The following SH2D7 variants were observed in gnomAD, a reference collection of about 807,000 sequenced individuals.
SH2D7 encodes SH2 domain containing 7, also known as SH2 domain-containing protein 7.
In SH2D7, 32 loss-of-function variants were observed where a neutral mutation model predicts 40.8. That is an observed-to-expected ratio of 0.78 (90% CI 0.59 to 1.05). The LOEUF (loss-of-function observed/expected upper bound fraction) is 1.05. Ranked by LOEUF, SH2D7 falls within the 50% of genes least tolerant of loss-of-function variation. SH2D7 has a pLI of 0.00. For missense variants in SH2D7, 559 were observed against 566.6 expected (o/e 0.99, Z 0.14); for synonymous variants, 195 against 221.5 (o/e 0.88, Z 1.06).
chr15:78,098,268 C>G (rs2073987126), intron 3 of SH2D7, 116 bp from the exon 4 acceptor site: 3 of 1,421,294 alleles, frequency 2.1e-6, no homozygotes, highest in East Asian at 4.9e-5. Flanking sequence ...AATGTCTTAC[C>G]TGAGGTCAGA....
chr15:78,092,741 C>T lies in SH2D7; in HGVS notation c.157C>T (p.His53Tyr). The T allele has an allele frequency of 6.2e-7, 1 of 1,608,236 alleles. No homozygotes were observed. The highest frequency in any genetic ancestry group is 1.1e-5 in the South Asian group (1 of 89,780). ...GAACGGTGCCCTGCCTCCCTGGTTT[C>T]ATGGATTCATCACCCGCAAGTAAGG... is the stretch of plus-strand genomic sequence containing the variant. ...LQNGALPPWFHGFITRKQTEQ... is the reference protein window; with the variant it reads ...LQNGALPPWFYGFITRKQTEQ... The change falls in exon 1 of 6, where the codon CAT becomes TAT. Residue 53 changes from histidine (H) to tyrosine (Y), a missense_variant. Physicochemically the swap from His to Tyr is moderately conservative, Grantham distance 83. Transcript: ENST00000328828.
upstream of SH2D7, among the ~76,000 whole-genome samples, chr15:78,091,741 C>G (rs149156724): frequency 9.8e-5 from 15 of 152,318 alleles, no homozygotes; most frequent in East Asian, 2.7e-3. Context: ...TCTGTTAAAA[C>G]GACATGAGCT....
At chr15:78,102,240 C>T (rs1044936882) in intron 5 of SH2D7, among the ~76,000 whole-genome samples, 3 of 152,018 alleles carry the variant, frequency 2.0e-5, no homozygotes, top group Non-Finnish European at 4.4e-5. Context: ...AAGTGAGACC[C>T]TGTTTAAAAA....
In SH2D7 at chr15:78,101,228, G is replaced by A. The variant is rs189575821; in HGVS notation, c.975G>A (p.Gly325=). The change falls in exon 5 of 6, where the codon GGG becomes GGA. Residue 325 remains glycine, a synonymous_variant. Transcript: ENST00000328828. ...GTTCTGATGCCATGGGATCCCTGGGGGCTACCTGGAGGCAGGAGTTTCCAA... is the reference window on the plus strand; with the variant it reads ...GTTCTGATGCCATGGGATCCCTGGGAGCTACCTGGAGGCAGGAGTTTCCAA... ...WGCSDAMGSL[G]ATWRQEFPKL... 4.9e-4 allele frequency: 780 copies of A among 1,603,066 alleles called. 4 individuals carry two copies. The highest frequency in any genetic ancestry group is 6.9e-5 in the Non-Finnish European group (81 of 1,175,704).
intron 5 of SH2D7, among the ~76,000 whole-genome samples, chr15:78,102,982 C>G (rs1345238997): frequency 6.6e-6 from 1 of 152,134 alleles, no homozygotes; most frequent in Non-Finnish European, 1.5e-5. Flanking sequence ...CCATGGATAG[C>G]AGCCTTTGAG....
chr15:78,101,782 A>G (rs986273140), intron 5 of SH2D7, among the ~76,000 whole-genome samples: 19 of 152,234 alleles, frequency 1.2e-4, no homozygotes, highest in African/African-American at 3.9e-4. Flanking sequence ...AGGCCCTTCT[A>G]AGGGCATTCT....
At position 78,097,960 on chromosome 15, in the gene SH2D7, A is replaced by T. The variant is rs555297882; in HGVS notation, c.298A>T (p.Asn100Tyr). ...TGATCGCTGCCGACATTTTGTCATC[A>T]ACCAGCTTCGAAACCGGCGTTACAT... ...GSDRCRHFVI[N>Y]QLRNRRYIIS... The change falls in exon 3 of 6, where the codon AAC (asparagine) becomes TAC (tyrosine). Residue 100 changes from asparagine to tyrosine, a missense_variant. By Grantham distance (143) the Asn-to-Tyr change is moderately radical. Transcript: ENST00000328828. 8.7e-6 allele frequency: 14 copies of T among 1,610,208 alleles called. No homozygotes were observed. Among genetic ancestry groups the T allele is most frequent in the Non-Finnish European group, 1.2e-5 (14 of 1,178,310 alleles).
chr15:78,094,265 T>C, intron 2 of SH2D7, 64 bp downstream of exon 2: 15 of 1,514,328 alleles, frequency 9.9e-6, no homozygotes, highest in Non-Finnish European at 1.3e-5. Context: ...TGCAGATTAG[T>C]GCAGAGGCCC....
Position 78,101,491 on chromosome 15 carries a change from C to G in SH2D7, c.1238C>G (p.Ser413Ter), listed in dbSNP as rs745449170. Residue 413 changes from serine (S) to a stop codon, truncating the protein, a stop_gained, in exon 5 of 6, where the codon TCA becomes TGA. Coordinates refer to ENST00000328828, the MANE Select transcript of SH2D7 (RefSeq NM_001101404.2). LOFTEE classifies it high-confidence loss of function. ...AGGATCTCAGGGACCCCAGAGCTCT[C>G]AGAGCCTGGGAACACCTATGAACAG... ...YKRISGTPEL[S>*]EPGNTYEQIP... 1 of 1,613,466 alleles carries G rather than the reference C, an allele frequency of 6.2e-7. No individual in the cohort carries two copies. The highest frequency in any genetic ancestry group is 8.5e-7 in the Non-Finnish European group (1 of 1,179,650).
intron 2 of SH2D7, among the ~76,000 whole-genome samples, chr15:78,094,434 C>T (rs2073958068): frequency 6.6e-6 from 1 of 152,178 alleles, no homozygotes; most frequent in East Asian, 1.9e-4. Flanking sequence ...GGAGGCTTCA[C>T]AGAGGTGAAC....
intron 2 of SH2D7, among the ~76,000 whole-genome samples, chr15:78,094,609 G>A (rs567428781): frequency 3.9e-5 from 6 of 152,196 alleles, no homozygotes; most frequent in Non-Finnish European, 8.8e-5. Flanking sequence ...GGAGCTGCAG[G>A]TTGCTGGGTG....
rs1596343541 is a variant in SH2D7 at position 78,103,607 on chromosome 15, C to T, written c.*92C>T. 6.9e-7 allele frequency: 1 copy of T among 1,444,768 alleles called. No homozygotes were observed. The highest frequency in any genetic ancestry group is 9.4e-7 in the Non-Finnish European group (1 of 1,059,210). 89.5% of individuals were successfully genotyped at this position (1,444,768 alleles called of 1,614,324 possible). A position where few individuals can be genotyped will look rare whatever the true frequency, so the allele number is the denominator to read the frequency against. On this transcript the variant is annotated 3_prime_UTR_variant, in exon 6 of 6. Transcript: ENST00000328828. The stretch of plus-strand genomic sequence containing the variant: ...AAGGCCTCAGCTCACTTGAAGGCAC[C>T]CTTTGGATCTTGAGACTCATCCAGC...
chr15:78,095,748 C>A (rs916892268), intron 2 of SH2D7, among the ~76,000 whole-genome samples: 6 of 151,820 alleles, frequency 4.0e-5, no homozygotes, highest in Non-Finnish European at 5.9e-5. Context: ...AAATGAGAGG[C>A]CAAGTTTTTT....
chr15:78,093,092 A>G (rs1005681036), intron 1 of SH2D7, among the ~76,000 whole-genome samples: 3 of 152,238 alleles, frequency 2.0e-5, no homozygotes, highest in African/African-American at 7.2e-5. Flanking sequence ...CCGGAACACT[A>G]TTAGTAACTA....
chr15:78,101,042 G>A lies in SH2D7; in HGVS notation c.789G>A (p.Arg263=). 6.2e-7 allele frequency: 1 copy of A among 1,609,628 alleles called. No homozygotes were observed. Among genetic ancestry groups the A allele is most frequent in the Admixed American group, 1.7e-5 (1 of 59,078 alleles). ...GCTTGGGCACAGAGGGGTCCGGCAG[G>A]CATGGGCCAGTTCCAGCTGGCAGCC... ...RLGLGTEGSG[R]HGPVPAGSQA... is the part of the protein sequence containing the mutation. The change falls in exon 5 of 6, where the codon AGG becomes AGA. Residue 263 remains arginine (R), a synonymous_variant. Coordinates refer to ENST00000328828, the MANE Select transcript of SH2D7 (RefSeq NM_001101404.2).
At chr15:78,095,203 T>C (rs2141869986) in intron 2 of SH2D7, among the ~76,000 whole-genome samples, 1 of 152,378 alleles carries the variant, frequency 6.6e-6, no homozygotes, top group East Asian at 1.9e-4. Context: ...CGTTTAAAAC[T>C]GTTTAACACA....
At chr15:78,097,432 G>T (rs2073980143) in intron 2 of SH2D7, among the ~76,000 whole-genome samples, 1 of 152,166 alleles carries the variant, frequency 6.6e-6, no homozygotes, top group Non-Finnish European at 1.5e-5. Context: ...AGAGGGGGTG[G>T]GAGCTGGAAC....
rs1419841099 is a variant in SH2D7 at position 78,098,414 on chromosome 15, A to G, written c.463A>G (p.Thr155Ala). 1 of 1,613,494 alleles carries G rather than the reference A, an allele frequency of 6.2e-7. No individual in the cohort carries two copies. Among genetic ancestry groups the G allele is most frequent in the African/African-American group, 1.3e-5 (1 of 74,798 alleles). The change falls in exon 4 of 6, where the codon ACC becomes GCC. Residue 155 changes from threonine (T) to alanine (A), a missense_variant. Transcript: ENST00000328828. ...PEDNDLYDAI[T>A]RGLHQTIVDP... is the part of the protein sequence containing the mutation. ...GGACAATGATCTGTATGATGCCATCACCCGGGGCCTCCACCAGACCATCGT... is the reference window on the plus strand; with the variant it reads ...GGACAATGATCTGTATGATGCCATCGCCCGGGGCCTCCACCAGACCATCGT...
chr15:78,098,205 A>G, intron 3 of SH2D7, 111 bp downstream of exon 3: 14 of 1,440,956 alleles, frequency 9.7e-6, no homozygotes, highest in Non-Finnish European at 1.2e-5. Flanking sequence ...ACTATCACCC[A>G]GGGGCACTTG....
Sources: allele counts gnomAD v4.1 joint callset (sites outside exome capture counted in the v4.1 genomes callset), GRCh38; gene constraint gnomAD v4.1.1; transcripts MANE v1.5; gene names NCBI Gene and HGNC (gene_info 2026-07-23, HGNC 2026-07-21).